CAMSAP2: variants seen among roughly 807,000 people sequenced by gnomAD.
The protein encoded by CAMSAP2 is calmodulin regulated spectrin associated protein family member 2.
A neutral mutation model predicts 146.1 loss-of-function variants in CAMSAP2; 26 were observed. The ratio of observed to expected loss-of-function variants is 0.18; its 90% confidence interval spans 0.13 to 0.25. The LOEUF (loss-of-function observed/expected upper bound fraction) is 0.25. CAMSAP2 is among the 10% of genes least tolerant of loss of function. The pLI is 1.00. For missense variants in CAMSAP2, 1,381 were observed against 1,759.3 expected, an observed-to-expected ratio of 0.78 and a Z score of 3.85; for synonymous variants, 499 against 596.6, an observed-to-expected ratio of 0.84 and a Z score of 2.38.
chr1:200,777,598 T>A (rs1166126944), intron 2 of CAMSAP2, among the ~76,000 whole-genome samples: 1 of 150,878 alleles, frequency 6.6e-6, no homozygotes, highest in Non-Finnish European at 1.5e-5. Flanking sequence ...GAAAGATGGA[T>A]GCCTGTAGAT....
intron 1 of CAMSAP2, among the ~76,000 whole-genome samples, chr1:200,741,208 T>C (rs1472934584): frequency 6.6e-6 from 1 of 152,248 alleles, no homozygotes; most frequent in African/African-American, 2.4e-5. Context: ...TGTGATTTTA[T>C]GTTTATGGCA....
chr1:200,765,247 G>A (rs759281379), intron 2 of CAMSAP2, among the ~76,000 whole-genome samples: 34 of 151,406 alleles, frequency 2.2e-4, no homozygotes, highest in Non-Finnish European at 3.5e-4. Flanking sequence ...TTATTTTTTC[G>A]AGACTGAATT....
intron 2 of CAMSAP2, among the ~76,000 whole-genome samples, chr1:200,803,961 C>T (rs1666103814): frequency 1.3e-5 from 2 of 150,264 alleles, no homozygotes; most frequent in South Asian, 4.2e-4. Context: ...GAGTCTTGCT[C>T]TGTTGCCCAG....
chr1:200,807,277 C>G, intron 2 of CAMSAP2, 99 bp from the exon 3 acceptor site: 1 of 899,792 alleles, frequency 1.1e-6, no homozygotes, highest in South Asian at 2.9e-5. Context: ...TGTAGTTATT[C>G]TGCTGCTTGT....
chr1:200,847,391 TTGTGTG>T (rs71138304), intron 9 of CAMSAP2, 99 bp downstream of exon 9: 5 of 736,366 alleles, frequency 6.8e-6, no homozygotes, highest in Admixed American at 3.4e-5. Context: ...CAGGGTTTTT[TTGTGTG>T]TGTGTGTGTG....
At chr1:200,804,031 A>G (rs1172850460) in intron 2 of CAMSAP2, among the ~76,000 whole-genome samples, 1 of 151,554 alleles carries the variant, frequency 6.6e-6, no homozygotes, top group African/African-American at 2.4e-5. Context: ...GGTTCATGCC[A>G]TTCTCCTGCC....
Position 200,852,533 on chromosome 1 carries a change from G to A in CAMSAP2, c.3466-8G>A, listed in dbSNP as rs542664980. On this transcript the variant is annotated splice_polypyrimidine_tract_variant and splice_region_variant and intron_variant, in intron 11 of 16. Transcript: ENST00000358823. Reference sequence around the variant, plus strand: ...TGTTTGATCGTTTTCAATGAAATTCGTTCTTAGGATGATCAAAAAGCAGAA... The same window carrying A: ...TGTTTGATCGTTTTCAATGAAATTCATTCTTAGGATGATCAAAAAGCAGAA... The A allele has an allele frequency of 3.5e-5, 56 of 1,601,950 alleles. No individual in the cohort carries two copies. In the East Asian group the frequency reaches 5.6e-4, roughly 16 times the overall value.
At position 200,761,157 on chromosome 1, in the gene CAMSAP2, A is replaced by G. The variant is rs1378644377; in HGVS notation, c.399+59A>G. 3 of 1,459,760 alleles carry G rather than the reference A, an allele frequency of 2.1e-6. No homozygotes were observed. The African/African-American group carries it at 4.2e-5, about 20-fold the overall frequency. 90.4% of individuals were successfully genotyped at this position (1,459,760 alleles called of 1,614,324 possible). ...TTGAAGTGTGTACTTTTGAGTGTGA[A>G]TGATATACTGTAAAACAGAGGGAAA... On this transcript the variant is annotated intron_variant, in intron 2 of 16. Transcript: ENST00000358823.
chr1:200,790,295 C>A (rs773370325), intron 2 of CAMSAP2, among the ~76,000 whole-genome samples: 4 of 152,006 alleles, frequency 2.6e-5, no homozygotes, highest in Non-Finnish European at 4.4e-5. Flanking sequence ...ATGGAGTGCT[C>A]TAGTATATTT....
At chr1:200,744,033 T>C (rs760778451) in intron 1 of CAMSAP2, among the ~76,000 whole-genome samples, 30 of 152,216 alleles carry the variant, frequency 2.0e-4, no homozygotes, top group Non-Finnish European at 3.1e-4. Flanking sequence ...ACTTTACACA[T>C]ACTGTATCAT....
intron 2 of CAMSAP2, among the ~76,000 whole-genome samples, chr1:200,799,937 T>C (rs1432413135): frequency 6.6e-6 from 1 of 152,332 alleles, no homozygotes; most frequent in East Asian, 1.9e-4. Flanking sequence ...CCAGTAGTCA[T>C]TCAGGAGCAG....
Position 200,857,456 on chromosome 1 carries a change from C to T in CAMSAP2, c.4131+32C>T. ...ATGTTTGCATGAAAATTAAATTTGGCAAACTGTAGAAGTCTTTTATCCATT... is the reference window on the plus strand; with the variant it reads ...ATGTTTGCATGAAAATTAAATTTGGTAAACTGTAGAAGTCTTTTATCCATT... On this transcript the variant is annotated intron_variant, in intron 16 of 16. Transcript: ENST00000358823. This position sits in a 1 kb window ranked among gnomAD's most constrained non-coding sequence, Gnocchi z 4.7. 1 of 1,445,892 alleles carries T rather than the reference C, an allele frequency of 6.9e-7. No homozygotes were observed. The highest frequency in any genetic ancestry group is 9.7e-7 in the Non-Finnish European group (1 of 1,027,708). 89.6% of individuals were successfully genotyped at this position (1,445,892 alleles called of 1,614,324 possible).
chr1:200,819,877 T>A (rs1666702195), intron 4 of CAMSAP2, among the ~76,000 whole-genome samples: 1 of 152,106 alleles, frequency 6.6e-6, no homozygotes, highest in African/African-American at 2.4e-5. Flanking sequence ...AGGGCCTTAG[T>A]AGATTTCATG....
chr1:200,817,211 TAC>T lies in CAMSAP2; in HGVS notation c.645+1573_645+1574del, dbSNP rs1253220338. Among the ~76,000 whole-genome samples the T allele has an allele frequency of 3.7e-4, 21 of 56,136 alleles. 1 individual carries two copies. The highest frequency in any genetic ancestry group is 1.3e-3 in the African/African-American group (17 of 13,118). 36.8% of individuals were successfully genotyped at this position (56,136 alleles called of 152,430 possible). ...ACACATGTGTGTGTGTATACACACA[TAC>T]ACACATATGTGTGTGTATATACACA... On this transcript the variant is annotated intron_variant, in intron 4 of 16. Coordinates refer to ENST00000358823, the MANE Select transcript of CAMSAP2 (RefSeq NM_203459.4).
At chr1:200,841,941 G>T in intron 6 of CAMSAP2, 53 bp from the exon 7 acceptor site, 2 of 1,233,502 alleles carry the variant, frequency 1.6e-6, no homozygotes, top group Non-Finnish European at 2.4e-6. Flanking sequence ...ATAAAATTCT[G>T]TTTATCATGA....
Position 200,858,121 on chromosome 1 carries a change from A to T in CAMSAP2, c.*62A>T. 7.2e-7 allele frequency: 1 copy of T among 1,393,054 alleles called. No homozygotes were observed. 86.3% of individuals were successfully genotyped at this position (1,393,054 alleles called of 1,614,324 possible). Reference sequence around the variant, plus strand: ...AATTTGCACTTCATCTTTCCTGCCTATAGAAAATCTTTCTAATTGCCAACA... The same window carrying T: ...AATTTGCACTTCATCTTTCCTGCCTTTAGAAAATCTTTCTAATTGCCAACA... On this transcript the variant is annotated 3_prime_UTR_variant, in exon 17 of 17. Transcript: ENST00000358823.
Position 200,858,193 on chromosome 1 carries a change from C to T in CAMSAP2, c.*134C>T, listed in dbSNP as rs554526299. 5.3e-6 allele frequency: 4 copies of T among 748,252 alleles called. No individual in the cohort carries two copies. Among genetic ancestry groups the T allele is most frequent in the Non-Finnish European group, 8.4e-6 (4 of 473,950 alleles). 46.4% of individuals were successfully genotyped at this position (748,252 alleles called of 1,614,324 possible). On this transcript the variant is annotated 3_prime_UTR_variant, in exon 17 of 17. Transcript: ENST00000358823. ...GGACATTAAGCTCTGTTGTCATGAA[C>T]AACTGGAATGTAAACCACAGTATTT... is the stretch of plus-strand genomic sequence containing the variant.
At chr1:200,796,309 T>C (rs890610428) in intron 2 of CAMSAP2, among the ~76,000 whole-genome samples, 2 of 152,234 alleles carry the variant, frequency 1.3e-5, no homozygotes, top group African/African-American at 4.8e-5. Flanking sequence ...GGCTTATTTA[T>C]GGACTCTGTT....
chr1:200,812,160 G>T (rs1306495347), intron 3 of CAMSAP2, among the ~76,000 whole-genome samples: 1 of 152,012 alleles, frequency 6.6e-6, no homozygotes, highest in African/African-American at 2.4e-5. Flanking sequence ...TTCCTCACTA[G>T]AATAGTCTAT....
Sources: allele counts gnomAD v4.1 joint callset (sites outside exome capture counted in the v4.1 genomes callset), GRCh38; gene constraint gnomAD v4.1.1; non-coding constraint Gnocchi (gnomAD v3.1); transcripts MANE v1.5; gene names NCBI Gene and HGNC (gene_info 2026-07-23, HGNC 2026-07-21).